FAM114A2: variants seen among roughly 807,000 people sequenced by gnomAD.
The protein encoded by FAM114A2 is family with sequence similarity 114 member A2, also known as protein FAM114A2.
In FAM114A2, 53 loss-of-function variants were observed where a neutral mutation model predicts 58.4. The observed-to-expected ratio is 0.91, with a 90% confidence interval of 0.73 to 1.14. The LOEUF (loss-of-function observed/expected upper bound fraction) is 1.14, where lower values mean the gene tolerates loss of function less well. FAM114A2 is among the 50% of genes most tolerant of loss of function. The probability of loss-of-function intolerance (pLI) is 0.00; values close to 1 mark genes in which losing one functional copy is unlikely to be tolerated. For missense variants in FAM114A2, 601 were observed against 581.1 expected (o/e 1.03, Z -0.35); for synonymous variants, 228 against 211.4 (o/e 1.08, Z -0.68).
Position 154,002,374 on chromosome 5 carries a change from G to A in FAM114A2, c.1133C>T (p.Ala378Val), listed in dbSNP as rs1418014066. 2.5e-6 allele frequency: 4 copies of A among 1,613,842 alleles called. No individual in the cohort carries two copies. The highest frequency in any genetic ancestry group is 1.7e-5 in the Admixed American group (1 of 60,016). ...KNSIEDIHAF[A>V]IRSLAELTAC... ...AGTCAGTTCAGCCAGGCTCCGGATT[G>A]CAAACGCATGGATATCCTGGATGGA... is the stretch of plus-strand genomic sequence containing the variant. The change falls in exon 11 of 14, where the codon GCA becomes GTA. Residue 378 changes from alanine (A) to valine (V), a missense_variant. Physicochemically the swap from Ala to Val is moderately conservative, Grantham distance 64. Coordinates refer to ENST00000351797, the MANE Select transcript of FAM114A2 (RefSeq NM_018691.4).
At chr5:154,000,292 C>T (rs894628981) in intron 11 of FAM114A2, among the ~76,000 whole-genome samples, 3 of 152,056 alleles carry the variant, frequency 2.0e-5, no homozygotes, top group Admixed American at 2.0e-4. Flanking sequence ...TGTTTGATAG[C>T]AGAATAGGGT....
At chr5:154,031,882 A>C (rs76630650) in intron 4 of FAM114A2, among the ~76,000 whole-genome samples, 1 of 152,238 alleles carries the variant, frequency 6.6e-6, no homozygotes, top group Admixed American at 6.5e-5. Context: ...GCCAAAGGGA[A>C]CAGTTAAGCT....
At chr5:154,029,728 T>C (rs1772052911) in intron 4 of FAM114A2, 148 bp from the exon 5 acceptor site, 6 of 481,804 alleles carry the variant, frequency 1.2e-5, no homozygotes, top group South Asian at 6.4e-5. Flanking sequence ...CATTTGCTTA[T>C]TTTAAAATGA....
At chr5:154,032,222 A>C (rs1173549603) in intron 4 of FAM114A2, among the ~76,000 whole-genome samples, 1 of 152,250 alleles carries the variant, frequency 6.6e-6, no homozygotes, top group African/African-American at 2.4e-5. Context: ...CCCTCTTCAA[A>C]AAAAGTATGG....
At chr5:154,008,770 T>C (rs1770509495) in intron 9 of FAM114A2, among the ~76,000 whole-genome samples, 1 of 152,142 alleles carries the variant, frequency 6.6e-6, no homozygotes, top group African/African-American at 2.4e-5. Context: ...TCCAAGCATT[T>C]TGGATAAGGG....
chr5:154,025,491 C>T (rs918519439), intron 8 of FAM114A2, among the ~76,000 whole-genome samples: 4 of 152,068 alleles, frequency 2.6e-5, no homozygotes, highest in African/African-American at 7.2e-5. Flanking sequence ...TATTATGATG[C>T]AGAGTTCTGA....
intron 9 of FAM114A2, among the ~76,000 whole-genome samples, chr5:154,010,345 T>C (rs936764446): frequency 5.3e-5 from 8 of 152,228 alleles, no homozygotes; most frequent in African/African-American, 1.9e-4. Flanking sequence ...AGTGCTTTAG[T>C]AAAGTGTTAC....
intron 11 of FAM114A2, among the ~76,000 whole-genome samples, chr5:154,000,409 A>G (rs1478861249): frequency 6.6e-6 from 1 of 152,232 alleles, no homozygotes; most frequent in African/African-American, 2.4e-5. Context: ...AATACCCCAA[A>G]TACTCTGACT....
intron 4 of FAM114A2, 63 bp from the exon 5 acceptor site, chr5:154,029,643 G>C: frequency 1.2e-6 from 1 of 869,386 alleles, no homozygotes; most frequent in South Asian, 1.5e-5. Flanking sequence ...GGCTTTATTA[G>C]CATCTATGTG....
At chr5:154,007,564 AT>A (rs1194910932) in intron 9 of FAM114A2, among the ~76,000 whole-genome samples, 2 of 152,160 alleles carry the variant, frequency 1.3e-5, no homozygotes, top group Non-Finnish European at 2.9e-5. Context: ...CAATCTGAAG[AT>A]TGCTTTCAGA....
At chr5:154,008,874 C>A (rs1700347751) in intron 9 of FAM114A2, among the ~76,000 whole-genome samples, 1 of 152,104 alleles carries the variant, frequency 6.6e-6, no homozygotes, top group Non-Finnish European at 1.5e-5. Flanking sequence ...AGACAAGGTT[C>A]CTACTGTAGA....
intron 2 of FAM114A2, 48 bp from the exon 3 acceptor site, chr5:154,034,425 A>C: frequency 2.6e-6 from 3 of 1,173,816 alleles, no homozygotes; most frequent in Middle Eastern, 2.0e-4. Flanking sequence ...AAAATGAAAA[A>C]ATTAGAGGAA....
intron 4 of FAM114A2, among the ~76,000 whole-genome samples, chr5:154,032,752 C>T (rs548705863): frequency 2.0e-5 from 3 of 152,258 alleles, no homozygotes; most frequent in East Asian, 1.9e-4. Flanking sequence ...GCAGTATTAT[C>T]GGACAACCAT....
At chr5:154,024,696 T>A (rs978120805) in intron 8 of FAM114A2, among the ~76,000 whole-genome samples, 1 of 152,200 alleles carries the variant, frequency 6.6e-6, no homozygotes, top group African/African-American at 2.4e-5. Context: ...CATATTGCAG[T>A]ATACCTGAAA....
chr5:154,027,362 T>A (rs376998543), intron 6 of FAM114A2, 28 bp from the exon 7 acceptor site: 1 of 1,590,258 alleles, frequency 6.3e-7, no homozygotes, highest in South Asian at 1.1e-5. Flanking sequence ...CATTACACTG[T>A]AGCAAACAAT....
chr5:153,997,623 T>C (rs527593863), intron 12 of FAM114A2, among the ~76,000 whole-genome samples, 180 bp downstream of exon 12: 4 of 152,224 alleles, frequency 2.6e-5, no homozygotes, highest in Non-Finnish European at 4.4e-5. Flanking sequence ...TGTACGAGTT[T>C]TGGGGAAGGC....
chr5:154,035,539 T>G (rs551540075), intron 1 of FAM114A2, among the ~76,000 whole-genome samples: 119 of 152,350 alleles, frequency 7.8e-4, no homozygotes, highest in Middle Eastern at 3.4e-3. Flanking sequence ...TTTTTATTTC[T>G]GAGTAGTATT....
chr5:153,994,333 T>C (rs1209088224), intron 13 of FAM114A2, among the ~76,000 whole-genome samples: 1 of 152,204 alleles, frequency 6.6e-6, no homozygotes, highest in Non-Finnish European at 1.5e-5. Context: ...TCTGCACAGT[T>C]AGTTTACAAG....
At chr5:154,016,471 A>AAACAAAACAATT (rs1771047669) in intron 8 of FAM114A2, among the ~76,000 whole-genome samples, 1 of 152,192 alleles carries the variant, frequency 6.6e-6, no homozygotes, top group Non-Finnish European at 1.5e-5. Context: ...CAGCCTCCTC[A>AAACAAAACAATT]AACAAAACAA....
Sources: allele counts gnomAD v4.1 joint callset (sites outside exome capture counted in the v4.1 genomes callset), GRCh38; gene constraint gnomAD v4.1.1; transcripts MANE v1.5; gene names NCBI Gene and HGNC (gene_info 2026-07-23, HGNC 2026-07-21).